CNTNAP2: variants seen among roughly 807,000 people sequenced by gnomAD.
CNTNAP2 encodes contactin associated protein 2, also known as contactin-associated protein-like 2.
Under a neutral mutation model 155.2 loss-of-function variants are expected in CNTNAP2, and 98 were observed. The observed-to-expected ratio is 0.63, with a 90% CI of 0.54 to 0.75. The LOEUF is 0.75. Ranked by LOEUF, CNTNAP2 falls within the 30% of genes least tolerant of loss-of-function variation. CNTNAP2 has a pLI of 0.00. For missense variants in CNTNAP2, 1,727 were observed against 1,688.1 expected (o/e 1.02, Z -0.40); for synonymous variants, 651 against 631.2 (o/e 1.03, Z -0.47).
chr7:146,774,623 G>C (rs1802355952), intron 2 of CNTNAP2, among the ~76,000 whole-genome samples: 2 of 152,076 alleles, frequency 1.3e-5, no homozygotes, highest in African/African-American at 4.8e-5. Context: ...ACATTTTGAA[G>C]TTGCCTGGGA....
At chr7:146,361,925 A>T (rs1380574047) in intron 1 of CNTNAP2, among the ~76,000 whole-genome samples, 1 of 152,224 alleles carries the variant, frequency 6.6e-6, no homozygotes, top group East Asian at 1.9e-4. Context: ...ATCTTTACTT[A>T]GAAGCATAGA....
At chr7:147,375,571 G>C (rs553070482) in intron 9 of CNTNAP2, among the ~76,000 whole-genome samples, 1 of 151,948 alleles carries the variant, frequency 6.6e-6, no homozygotes, top group Non-Finnish European at 1.5e-5. Context: ...CAATCTCCAA[G>C]TTTTATCTTC....
chr7:146,662,085 C>T (rs1800099732), intron 1 of CNTNAP2, among the ~76,000 whole-genome samples: 1 of 151,186 alleles, frequency 6.6e-6, no homozygotes, highest in South Asian at 2.1e-4. Context: ...TGTTTGCCAT[C>T]CTTATCTGCC....
chr7:146,517,370 A>T (rs1772851388), intron 1 of CNTNAP2, among the ~76,000 whole-genome samples: 1 of 152,100 alleles, frequency 6.6e-6, no homozygotes, highest in East Asian at 1.9e-4. Flanking sequence ...AATTGTCAGG[A>T]GACTCCCCTG....
intron 3 of CNTNAP2, among the ~76,000 whole-genome samples, chr7:146,953,272 A>C (rs571535979): frequency 6.6e-6 from 1 of 152,028 alleles, no homozygotes; most frequent in East Asian, 1.9e-4. Context: ...TAAGGATTAA[A>C]GTTACCAAAC....
chr7:146,293,693 G>A (rs771820645), intron 1 of CNTNAP2, among the ~76,000 whole-genome samples: 1 of 151,894 alleles, frequency 6.6e-6, no homozygotes, highest in African/African-American at 2.4e-5. Flanking sequence ...TTCATTTCAC[G>A]TTGTTCTTTC....
At chr7:146,376,573 T>C (rs1795306841) in intron 1 of CNTNAP2, among the ~76,000 whole-genome samples, 1 of 152,148 alleles carries the variant, frequency 6.6e-6, no homozygotes, top group Admixed American at 6.5e-5. Flanking sequence ...TGTTATTTCA[T>C]CTGCATGTAT....
At chr7:147,501,199 C>T (rs1174259380) in intron 11 of CNTNAP2, among the ~76,000 whole-genome samples, 2 of 151,346 alleles carry the variant, frequency 1.3e-5, no homozygotes, top group Admixed American at 6.6e-5. Flanking sequence ...ATAATAAAAA[C>T]TCTCAGCAAA....
chr7:147,750,126 A>G (rs1797110285), intron 13 of CNTNAP2, among the ~76,000 whole-genome samples: 1 of 152,222 alleles, frequency 6.6e-6, no homozygotes, highest in Non-Finnish European at 1.5e-5. Flanking sequence ...CCCACCAAAT[A>G]CCAGCCTTGT....
At chr7:146,488,084 C>T (rs939826210) in intron 1 of CNTNAP2, among the ~76,000 whole-genome samples, 15 of 152,084 alleles carry the variant, frequency 9.9e-5, no homozygotes, top group Non-Finnish European at 2.9e-5. Context: ...TTTTTGAATC[C>T]GTTAATTTTA....
At position 147,336,037 on chromosome 7, in the gene CNTNAP2, A is replaced by G. The variant is rs899618; in HGVS notation, c.1498+35747A>G. ...ATCTGACTGTGTATTGTTTTTCTCAAATTTTCAGCTTGTATTAGGTAGAGT... is the reference window on the plus strand; with the variant it reads ...ATCTGACTGTGTATTGTTTTTCTCAGATTTTCAGCTTGTATTAGGTAGAGT... On this transcript the variant is annotated intron_variant, in intron 9 of 23. Transcript: ENST00000361727. 3.7e-3 allele frequency among the ~76,000 whole-genome samples: 562 copies of G among 152,262 alleles called. 3 individuals are homozygous for G. The highest frequency in any genetic ancestry group is 0.013 in the African/African-American group (537 of 41,562).
intron 8 of CNTNAP2, among the ~76,000 whole-genome samples, chr7:147,247,817 C>G (rs1563132619): frequency 1.3e-5 from 2 of 152,108 alleles, no homozygotes; most frequent in African/African-American, 2.4e-5. Flanking sequence ...CTGTTTCATT[C>G]TTATTTCCTT....
At chr7:146,916,799 T>G (rs1415880521) in intron 3 of CNTNAP2, among the ~76,000 whole-genome samples, 1 of 152,150 alleles carries the variant, frequency 6.6e-6, no homozygotes, top group Non-Finnish European at 1.5e-5. Flanking sequence ...TTGTATTTTT[T>G]GTTTGTTTTG....
intron 16 of CNTNAP2, among the ~76,000 whole-genome samples, chr7:148,119,421 A>T (rs1200401205): frequency 2.0e-5 from 3 of 151,900 alleles, no homozygotes; most frequent in African/African-American, 7.2e-5. Context: ...AGTCCCAGCT[A>T]CTTGGGAGGC....
At chr7:147,271,204 T>C (rs1359417735) in intron 8 of CNTNAP2, among the ~76,000 whole-genome samples, 1 of 152,156 alleles carries the variant, frequency 6.6e-6, no homozygotes, top group Non-Finnish European at 1.5e-5. Flanking sequence ...CTAAGTAAGT[T>C]GATATTCCTT....
intron 13 of CNTNAP2, among the ~76,000 whole-genome samples, chr7:147,735,305 G>A (rs181934368): frequency 5.9e-5 from 9 of 152,262 alleles, no homozygotes; most frequent in Non-Finnish European, 8.8e-5. Context: ...GGAGCAGGTC[G>A]TTCAGTTTCC....
rs146034921 is a variant in CNTNAP2, at chr7:147,649,029, G to A, written c.2098+9723G>A. ...TTGTCATTTTCTTTTTTGTGTGCATGATTAGAAATGCTATTTACCAAGTGA... is the reference window on the plus strand; with the variant it reads ...TTGTCATTTTCTTTTTTGTGTGCATAATTAGAAATGCTATTTACCAAGTGA... On this transcript the variant is annotated intron_variant, in intron 13 of 23. Coordinates refer to ENST00000361727, the MANE Select transcript of CNTNAP2 (RefSeq NM_014141.6). Among the ~76,000 whole-genome samples, 605 of 152,208 alleles carry A rather than the reference G, an allele frequency of 4.0e-3. 3 individuals are homozygous for A. The highest frequency in any genetic ancestry group is 0.014 in the African/African-American group (570 of 41,514).
chr7:148,405,866 G>A (rs1277075295), intron 22 of CNTNAP2, among the ~76,000 whole-genome samples: 1 of 151,326 alleles, frequency 6.6e-6, no homozygotes, highest in Non-Finnish European at 1.5e-5. Flanking sequence ...CACTTGCCTT[G>A]GACTCACCGT....
intron 13 of CNTNAP2, among the ~76,000 whole-genome samples, chr7:147,658,244 G>A (rs1274929136): frequency 2.2e-5 from 2 of 91,866 alleles, no homozygotes; most frequent in Non-Finnish European, 2.2e-5. Flanking sequence ...GAGACAGAGC[G>A]AGACTCCGTC....
Sources: allele counts gnomAD v4.1 joint callset (sites outside exome capture counted in the v4.1 genomes callset), GRCh38; gene constraint gnomAD v4.1.1; transcripts MANE v1.5; gene names NCBI Gene and HGNC (gene_info 2026-07-23, HGNC 2026-07-21).